LRP1B: variants seen among roughly 807,000 people sequenced by gnomAD.
LRP1B encodes low-density lipoprotein receptor-related protein 1B.
A neutral mutation model predicts 556.6 loss-of-function variants in LRP1B; 217 were observed. That is an observed-to-expected ratio of 0.39 (90% CI 0.35 to 0.44). The LOEUF is 0.44. Among genes scored for constraint, LRP1B ranks in the 20% least tolerant of loss-of-function variants. The pLI is 1.00. For synonymous variants in LRP1B, 2,047 were observed against 1,865.8 expected, an observed-to-expected ratio of 1.10 and a Z score of -2.50; for missense variants, 5,053 against 5,620.8, an observed-to-expected ratio of 0.90 and a Z score of 3.23.
At chr2:140,774,061 C>T (rs896407933) in intron 33 of LRP1B, among the ~76,000 whole-genome samples, 1 of 152,046 alleles carries the variant, frequency 6.6e-6, no homozygotes, top group Non-Finnish European at 1.5e-5. Context: ...TATTAAGTCA[C>T]TAATTGTACT....
At chr2:140,389,741 A>G (rs1028315368) in intron 66 of LRP1B, among the ~76,000 whole-genome samples, 1 of 145,966 alleles carries the variant, frequency 6.9e-6, no homozygotes, top group African/African-American at 2.5e-5. Context: ...ATGTATATAT[A>G]GTTTTATATA....
intron 1 of LRP1B, among the ~76,000 whole-genome samples, chr2:141,951,065 C>A (rs1449690507): frequency 2.0e-5 from 3 of 152,172 alleles, no homozygotes; most frequent in African/African-American, 7.2e-5. Context: ...AAAGTCATCA[C>A]CTCTGGAAAT....
intron 7 of LRP1B, among the ~76,000 whole-genome samples, chr2:141,082,690 G>A (rs968636252): frequency 5.3e-5 from 8 of 152,220 alleles, no homozygotes; most frequent in African/African-American, 1.7e-4. Context: ...AGGTGTGGCA[G>A]TAAGGGTAGA....
chr2:141,730,932 C>A (rs1300266400), intron 2 of LRP1B, among the ~76,000 whole-genome samples: 2 of 152,090 alleles, frequency 1.3e-5, no homozygotes, highest in Non-Finnish European at 2.9e-5. Context: ...CCTAAAGGGG[C>A]CAGTCTTTAC....
At chr2:140,686,467 A>C (rs1020663423) in intron 41 of LRP1B, among the ~76,000 whole-genome samples, 4 of 152,066 alleles carry the variant, frequency 2.6e-5, no homozygotes, top group African/African-American at 9.7e-5. Context: ...CAGGGGATAC[A>C]GGAGAAGGGA....
chr2:140,490,074 A>C (rs545863523), intron 57 of LRP1B, among the ~76,000 whole-genome samples: 19 of 152,180 alleles, frequency 1.2e-4, no homozygotes, highest in African/African-American at 4.3e-4. Flanking sequence ...TAATGTCTAA[A>C]AACTAGTCAT....
intron 28 of LRP1B, among the ~76,000 whole-genome samples, chr2:140,850,720 A>G (rs866277908): frequency 1.3e-5 from 2 of 152,184 alleles, no homozygotes; most frequent in African/African-American, 4.8e-5. Flanking sequence ...ACTTTTTTCT[A>G]TACTGTCTTT....
intron 2 of LRP1B, among the ~76,000 whole-genome samples, chr2:141,751,466 T>G (rs912149142): frequency 2.0e-5 from 3 of 152,110 alleles, no homozygotes; most frequent in African/African-American, 7.2e-5. Context: ...GATAAAAAAT[T>G]TACCAACTTC....
chr2:140,292,628 T>C (rs886248172), intron 84 of LRP1B, among the ~76,000 whole-genome samples: 4 of 152,166 alleles, frequency 2.6e-5, no homozygotes, highest in African/African-American at 9.7e-5. Context: ...TTTCTGAAGG[T>C]TCTAGTAGCC....
At chr2:140,914,592 C>T (rs1272678786) in intron 21 of LRP1B, among the ~76,000 whole-genome samples, 1 of 152,032 alleles carries the variant, frequency 6.6e-6, no homozygotes, top group East Asian at 1.9e-4. Context: ...GCTATGAAGA[C>T]TTTGCAGAAA....
chr2:141,926,386 T>C (rs1384835125), intron 1 of LRP1B, among the ~76,000 whole-genome samples: 1 of 152,156 alleles, frequency 6.6e-6, no homozygotes, highest in African/African-American at 2.4e-5. Context: ...GGTCTGACTT[T>C]TTTCCCCTCT....
chr2:141,377,411 T>G (rs1689475009), intron 3 of LRP1B, among the ~76,000 whole-genome samples: 1 of 152,130 alleles, frequency 6.6e-6, no homozygotes, highest in Admixed American at 6.5e-5. Flanking sequence ...GAATATGCTT[T>G]CTTTCTTTTC....
In LRP1B at chr2:141,052,263, G is replaced by A. The variant is rs531235410; in HGVS notation, c.1552+2853C>T. ...AAATAATACTTTATATTATTTTAAA[G>A]TATATTGATACATTTGAAAATCATT... On this transcript the variant is annotated intron_variant, in intron 10 of 90. Transcript: ENST00000389484. 1.3e-4 allele frequency among the ~76,000 whole-genome samples: 19 copies of A among 151,860 alleles called. 1 individual carries two copies. The highest frequency in any genetic ancestry group is 4.3e-4 in the African/African-American group (18 of 41,480).
intron 32 of LRP1B, among the ~76,000 whole-genome samples, chr2:140,784,911 G>T (rs1167212201): frequency 2.0e-5 from 3 of 151,706 alleles, no homozygotes; most frequent in Admixed American, 2.0e-4. Context: ...ACAAATAAAA[G>T]AAACATTTAA....
chr2:141,255,112 C>T (rs1573717828), intron 3 of LRP1B, among the ~76,000 whole-genome samples: 1 of 151,834 alleles, frequency 6.6e-6, no homozygotes, highest in African/African-American at 2.4e-5. Context: ...TAGAGAAATA[C>T]TGAATGTAAT....
At chr2:140,569,089 A>G (rs974587535) in intron 43 of LRP1B, among the ~76,000 whole-genome samples, 1 of 152,048 alleles carries the variant, frequency 6.6e-6, no homozygotes, top group African/African-American at 2.4e-5. Flanking sequence ...AGAAAGAGAA[A>G]GAAACCAAAC....
chr2:140,689,376 G>A (rs1347971394), intron 41 of LRP1B, among the ~76,000 whole-genome samples: 1 of 152,162 alleles, frequency 6.6e-6, no homozygotes. Context: ...ATTTCTGCAT[G>A]TCATTTCCCT....
At chr2:141,309,060 A>G (rs1027703513) in intron 3 of LRP1B, among the ~76,000 whole-genome samples, 5 of 152,186 alleles carry the variant, frequency 3.3e-5, no homozygotes, top group African/African-American at 1.2e-4. Flanking sequence ...TAGCACATTG[A>G]ATTTTAGCAC....
chr2:141,982,275 C>A (rs371253225), intron 1 of LRP1B, among the ~76,000 whole-genome samples: 55 of 152,202 alleles, frequency 3.6e-4, no homozygotes, highest in African/African-American at 1.2e-3. Flanking sequence ...CTTTGGAAAT[C>A]TAATTTAGAA....
Sources: allele counts gnomAD v4.1 joint callset (sites outside exome capture counted in the v4.1 genomes callset), GRCh38; gene constraint gnomAD v4.1.1; transcripts MANE v1.5; gene names NCBI Gene and HGNC (gene_info 2026-07-23, HGNC 2026-07-21).